The following CEP70 variants were observed in gnomAD, a reference collection of about 807,000 sequenced individuals.
The protein encoded by CEP70 is centrosomal protein of 70 kDa.
Under a neutral mutation model 90.9 loss-of-function variants are expected in CEP70, and 70 were observed. The observed-to-expected ratio is 0.77, with a 90% confidence interval of 0.64 to 0.94. CEP70 has a LOEUF of 0.94. CEP70 is among the 40% of genes least tolerant of loss of function. The pLI, the probability that CEP70 is intolerant of heterozygous loss-of-function variation, is 0.00. For missense variants in CEP70, 648 were observed against 669.0 expected (o/e 0.97, Z 0.35); for synonymous variants, 220 against 228.3 (o/e 0.96, Z 0.33).
chr3:138,500,415 T>C lies in CEP70; in HGVS notation c.1521A>G (p.Gln507=). 1 of 1,590,708 alleles carries C rather than the reference T, an allele frequency of 6.3e-7. No homozygotes were observed. Among genetic ancestry groups the C allele is most frequent in the Non-Finnish European group, 8.5e-7 (1 of 1,173,832 alleles). ...GEMNNAVRNL[Q]ELLELDSSSS... is the part of the protein sequence containing the mutation. The stretch of plus-strand genomic sequence containing the variant: ...GGTCATCACCTAATTCTAAGAGTTC[T>C]TGGAGGTTTCTCACAGCATTGTTCA... Residue 507 remains glutamine (Q), a synonymous_variant, in exon 15 of 18, where the codon CAA becomes CAG. Coordinates refer to ENST00000264982, the MANE Select transcript of CEP70 (RefSeq NM_024491.4).
intron 6 of CEP70, among the ~76,000 whole-genome samples, chr3:138,551,039 G>A (rs373682497): frequency 3.9e-5 from 6 of 152,234 alleles, no homozygotes; most frequent in South Asian, 4.2e-4. Context: ...GAAATTCATC[G>A]CAAAAAGATT....
At position 138,494,736 on chromosome 3, in the gene CEP70, C is replaced by T. The variant is rs919117505; in HGVS notation, c.*279G>A. ...TCTCCCTGGGCTCCTCTTTTACTCACAAACTCCACTCTAAAACAACCTTAA... is the reference window on the plus strand; with the variant it reads ...TCTCCCTGGGCTCCTCTTTTACTCATAAACTCCACTCTAAAACAACCTTAA... On this transcript the variant is annotated 3_prime_UTR_variant, in exon 18 of 18. Transcript: ENST00000264982. 6 of 233,138 alleles carry T rather than the reference C, an allele frequency of 2.6e-5. No homozygotes were observed. Among genetic ancestry groups the T allele is most frequent in the Non-Finnish European group, 4.1e-5 (5 of 121,192 alleles). The allele number at this position is 233,138 out of a possible 1,614,324, so 14.4% of individuals were successfully genotyped here.
intron 17 of CEP70, 73 bp from the exon 18 acceptor site, chr3:138,495,149 T>C (rs1576487885): frequency 1.1e-6 from 1 of 905,546 alleles, no homozygotes; most frequent in East Asian, 2.5e-5. Context: ...AACAAGAACC[T>C]ATATGCAAAG....
chr3:138,579,835 T>C (rs1430284958), intron 2 of CEP70, among the ~76,000 whole-genome samples: 3 of 151,778 alleles, frequency 2.0e-5, no homozygotes, highest in South Asian at 2.1e-4. Flanking sequence ...TTGAGAAAAG[T>C]AGACGGAAGA....
chr3:138,500,655 T>A, intron 14 of CEP70, 80 bp downstream of exon 14: 1 of 1,493,224 alleles, frequency 6.7e-7, no homozygotes, highest in Non-Finnish European at 9.0e-7. Context: ...AGAACTCTAG[T>A]AGAACAAATA....
At chr3:138,509,782 T>C (rs1370992437) in intron 11 of CEP70, among the ~76,000 whole-genome samples, 2 of 152,202 alleles carry the variant, frequency 1.3e-5, no homozygotes, top group Non-Finnish European at 2.9e-5. Context: ...TTCATCCCTT[T>C]GTCCAGCTTA....
chr3:138,518,798 G>T (rs2036311647), intron 11 of CEP70, among the ~76,000 whole-genome samples: 1 of 152,172 alleles, frequency 6.6e-6, no homozygotes, highest in Non-Finnish European at 1.5e-5. Context: ...AAGCAATGCA[G>T]CTCCTCACCA....
chr3:138,587,429 C>G (rs548882782), intron 2 of CEP70, among the ~76,000 whole-genome samples: 1 of 152,054 alleles, frequency 6.6e-6, no homozygotes, highest in African/African-American at 2.4e-5. Flanking sequence ...ATTCAGGAAA[C>G]TTTCCTGATT....
At chr3:138,501,869 C>T (rs559288345) in intron 13 of CEP70, among the ~76,000 whole-genome samples, 1 of 152,248 alleles carries the variant, frequency 6.6e-6, no homozygotes, top group South Asian at 2.1e-4. Context: ...CTCATTGGAG[C>T]ATTCTGAATT....
intron 1 of CEP70, 91 bp from the exon 2 acceptor site, chr3:138,592,047 A>G (rs1042980220): frequency 5.4e-6 from 3 of 553,490 alleles, no homozygotes; most frequent in Admixed American, 7.0e-5. Flanking sequence ...GCAGGCATCC[A>G]AGGTACTGGT....
chr3:138,507,706 G>A (rs950138524), intron 12 of CEP70, among the ~76,000 whole-genome samples: 24 of 152,160 alleles, frequency 1.6e-4, no homozygotes, highest in African/African-American at 5.6e-4. Flanking sequence ...AATGAGTGAC[G>A]TAAGGATGAA....
chr3:138,584,096 C>T (rs2041992238), intron 2 of CEP70, among the ~76,000 whole-genome samples: 1 of 151,730 alleles, frequency 6.6e-6, no homozygotes, highest in South Asian at 2.1e-4. Flanking sequence ...ACATTACAAC[C>T]AATACTGCAG....
Position 138,589,183 on chromosome 3 carries a change from T to C in CEP70, c.-6+2671A>G, listed in dbSNP as rs866121843. Among the ~76,000 whole-genome samples, 13 of 152,270 alleles carry C rather than the reference T, an allele frequency of 8.5e-5. 1 individual carries two copies. The Middle Eastern group carries it at 0.037, about 438-fold the overall frequency. Reference sequence around the variant, plus strand: ...TAAGTCAAAACTTATACTACATATGTGCAGCTTATTGTATATTAAATATAT... The same window carrying C: ...TAAGTCAAAACTTATACTACATATGCGCAGCTTATTGTATATTAAATATAT... On this transcript the variant is annotated intron_variant, in intron 2 of 17. Transcript: ENST00000264982.
chr3:138,585,395 G>C (rs532356446), intron 2 of CEP70, among the ~76,000 whole-genome samples: 1 of 152,014 alleles, frequency 6.6e-6, no homozygotes, highest in East Asian at 1.9e-4. Context: ...AATTGAAGAG[G>C]CCACAAAAAA....
rs2033868580 is a variant in CEP70 at position 138,495,027 on chromosome 3, T to C, written c.1782A>G (p.Val594=). 1 of 1,502,932 alleles carries C rather than the reference T, an allele frequency of 6.7e-7. No homozygotes were observed. The highest frequency in any genetic ancestry group is 9.2e-7 in the Non-Finnish European group (1 of 1,082,308). 93.1% of individuals were successfully genotyped at this position (1,502,932 alleles called of 1,614,324 possible). A position where few individuals can be genotyped will look rare whatever the true frequency, so the allele number is the denominator to read the frequency against. Reference sequence around the variant, plus strand: ...ATTTGATTTGTTTTCAGTATGAAAGTACTTTTAATTTCTTTACTGCAGGTA... The same window carrying C: ...ATTTGATTTGTTTTCAGTATGAAAGCACTTTTAATTTCTTTACTGCAGGTA... ...AIVPAVKKLK[V]LSY The change falls in exon 18 of 18, where the codon GTA becomes GTG. Residue 594 remains valine, a synonymous_variant. Transcript: ENST00000264982.
chr3:138,565,801 C>A (rs2040742935), intron 6 of CEP70, among the ~76,000 whole-genome samples: 1 of 152,088 alleles, frequency 6.6e-6, no homozygotes, highest in Non-Finnish European at 1.5e-5. Context: ...AAAGCAATGG[C>A]AACAAAAGCC....
At chr3:138,592,952 T>G (rs2042457400) in intron 1 of CEP70, 1 of 152,254 alleles carries the variant, frequency 6.6e-6, no homozygotes. Flanking sequence ...ACTTGCTGTT[T>G]AATGTTCCTA....
chr3:138,502,010 T>C lies in CEP70; in HGVS notation c.1222-1129A>G, dbSNP rs72976671. Among the ~76,000 whole-genome samples, 632 of 152,302 alleles carry C rather than the reference T, an allele frequency of 4.1e-3. 4 individuals carry two copies. The highest frequency in any genetic ancestry group is 0.015 in the African/African-American group (603 of 41,578). ...AAGGGATACTCAATCCATATGTGTA[T>C]GGCACAGCGCTTGGTCCTTTAGAAC... is the stretch of plus-strand genomic sequence containing the variant. On this transcript the variant is annotated intron_variant, in intron 13 of 17. Transcript: ENST00000264982.
chr3:138,500,243 AG>A lies in CEP70; in HGVS notation c.1538-20del, dbSNP rs765612766. 131 of 1,584,966 alleles carry A rather than the reference AG, an allele frequency of 8.3e-5. No individual in the cohort carries two copies. In the Middle Eastern group the frequency reaches 8.3e-4, roughly 10 times the overall value. On this transcript the variant is annotated intron_variant, in intron 15 of 17. Transcript: ENST00000264982. Reference sequence around the variant, plus strand: ...GAACTATCTGCAAAAGAGAAATAAAAGGATATTTTAACAGAGAATTTCCAAA... The same window carrying A: ...GAACTATCTGCAAAAGAGAAATAAAAGATATTTTAACAGAGAATTTCCAAA...
Sources: gnomAD v4.1 joint callset for allele counts (sites outside exome capture counted in the v4.1 genomes callset) on GRCh38, gnomAD v4.1.1 for gene constraint, MANE v1.5 for transcripts, NCBI Gene and HGNC (gene_info 2026-07-23, HGNC 2026-07-21) for gene names.